The following DMD variants were observed in gnomAD, a reference collection of about 807,000 sequenced individuals.
DMD encodes the protein mutant dystrophin.
Under a neutral mutation model 330.1 loss-of-function variants are expected in DMD, and 63 were observed. The observed-to-expected ratio is 0.19, with a 90% CI of 0.16 to 0.24. DMD has a LOEUF of 0.24. Among genes scored for constraint, DMD ranks in the 10% least tolerant of loss-of-function variants. DMD has a pLI of 1.00. For synonymous variants in DMD, 1,223 were observed against 959.8 expected, an observed-to-expected ratio of 1.27 and a Z score of -5.07; for missense variants, 3,344 against 2,684.1, an observed-to-expected ratio of 1.25 and a Z score of -5.43.
chrX:32,264,553 G>A lies in DMD; in HGVS notation c.6290+22976C>T, dbSNP rs2097336603. Among the ~76,000 whole-genome samples, 3 of 111,914 alleles carry A rather than the reference G, an allele frequency of 2.7e-5. No individual in the cohort carries two copies. The South Asian group carries it at 1.1e-3, about 41-fold the overall frequency. Reference sequence around the variant, plus strand: ...AAACTCTGGAACTTCCTAGAGAATTGGAGGGGTCAGAAGACAGGAAGATGT... The same window carrying A: ...AAACTCTGGAACTTCCTAGAGAATTAGAGGGGTCAGAAGACAGGAAGATGT... On this transcript the variant is annotated intron_variant, in intron 43 of 78. Transcript: ENST00000357033.
chrX:33,179,805 A>G (rs2049887739), intron 1 of DMD, among the ~76,000 whole-genome samples: 1 of 110,635 alleles, frequency 9.0e-6, no homozygotes, highest in Non-Finnish European at 1.9e-5. Context: ...AACTATTACA[A>G]TCTTAGAAAT....
intron 44 of DMD, chrX:32,035,416 T>C (rs1351480460): frequency 7.1e-6 from 1 of 140,091 alleles, no homozygotes; most frequent in Non-Finnish European, 1.4e-5. Flanking sequence ...CTTTAGTTAT[T>C]TGGGAAAGAA....
At chrX:31,246,172 C>G (rs1394326365) in intron 63 of DMD, among the ~76,000 whole-genome samples, 1 of 112,487 alleles carries the variant, frequency 8.9e-6, no homozygotes, top group Non-Finnish European at 1.9e-5. Context: ...GAAGATCAAA[C>G]TAGCCACAAC....
At chrX:32,577,243 A>G (rs769286933) in intron 13 of DMD, among the ~76,000 whole-genome samples, 1 of 112,032 alleles carries the variant, frequency 8.9e-6, no homozygotes, top group South Asian at 3.8e-4. Context: ...TTCATCTGCA[A>G]TCCAAGGAGA....
chrX:31,627,914 C>G (rs766557265), intron 54 of DMD, 52 bp from the exon 55 acceptor site: 29 of 1,091,930 alleles, frequency 2.7e-5, no homozygotes, highest in Admixed American at 2.5e-4. Flanking sequence ...GAATGGTGCA[C>G]CTAGTGAACT....
chrX:31,458,926 C>A (rs1016922660), intron 59 of DMD, among the ~76,000 whole-genome samples: 3 of 111,105 alleles, frequency 2.7e-5, no homozygotes, highest in African/African-American at 9.8e-5. Context: ...ATATTTTATT[C>A]ACAGCATAAG....
At chrX:33,278,270 A>C (rs769187898) in intron 1 of DMD, among the ~76,000 whole-genome samples, 60 of 111,432 alleles carry the variant, frequency 5.4e-4, no homozygotes, top group Non-Finnish European at 1.0e-3. Context: ...GGTACAACTG[A>C]AGTCATCACC....
At chrX:31,843,947 C>A (rs1261084311) in intron 48 of DMD, among the ~76,000 whole-genome samples, 1 of 109,789 alleles carries the variant, frequency 9.1e-6, no homozygotes, top group Non-Finnish European at 1.9e-5. Context: ...CAACCTCCGA[C>A]TCCCTGGCTC....
Position 32,732,477 on chromosome X carries a change from G to A in DMD, c.650-33184C>T, listed in dbSNP as rs763108693. 3.6e-5 allele frequency among the ~76,000 whole-genome samples: 4 copies of A among 110,852 alleles called. No individual in the cohort carries two copies. The East Asian group carries it at 8.5e-4, about 23-fold the overall frequency. ...CATAATTGTCAGATTCACCAAAGTT[G>A]AAATGAAGGAAAAAGTGTTAAGGGC... On this transcript the variant is annotated intron_variant, in intron 7 of 78. Transcript: ENST00000357033.
intron 4 of DMD, among the ~76,000 whole-genome samples, chrX:32,827,514 A>C (rs2078810261): frequency 9.0e-6 from 1 of 111,158 alleles, no homozygotes; most frequent in African/African-American, 3.3e-5. Flanking sequence ...TTTAATGTAC[A>C]CATTATTTCA....
At chrX:32,023,724 G>A (rs926150093) in intron 44 of DMD, among the ~76,000 whole-genome samples, 5 of 111,621 alleles carry the variant, frequency 4.5e-5, no homozygotes, top group Non-Finnish European at 9.4e-5. Context: ...TAAAGAATGT[G>A]GCGCGTATAC....
chrX:32,375,611 G>C lies in DMD; in HGVS notation c.4845+4899C>G, dbSNP rs563327226. 2.3e-4 allele frequency among the ~76,000 whole-genome samples: 26 copies of C among 112,016 alleles called. No homozygotes were observed. The South Asian group carries it at 9.6e-3, about 41-fold the overall frequency. Reference sequence around the variant, plus strand: ...CATCTTAAGGAATGAAATATTACAAGTATCATTTAAGTGTCCTGTTCATAT... The same window carrying C: ...CATCTTAAGGAATGAAATATTACAACTATCATTTAAGTGTCCTGTTCATAT... On this transcript the variant is annotated intron_variant, in intron 34 of 78. Transcript: ENST00000357033.
rs1008308693 is a variant in DMD, at chrX:32,742,764, C to G, written c.650-43471G>C. Among the ~76,000 whole-genome samples the G allele has an allele frequency of 3.5e-4, 39 of 112,059 alleles. 1 individual carries two copies. The highest frequency in any genetic ancestry group is 5.3e-4 in the Non-Finnish European group (28 of 53,215). On this transcript the variant is annotated intron_variant, in intron 7 of 78. Transcript: ENST00000357033. ...AGAATCAAGGCTTTGGCCTGCTTCC[C>G]ATATGTGTGATATTTGACAAGTAAG... is the stretch of plus-strand genomic sequence containing the variant.
intron 1 of DMD, among the ~76,000 whole-genome samples, chrX:33,084,128 C>A (rs1025059427): frequency 4.5e-5 from 5 of 112,169 alleles, no homozygotes; most frequent in Non-Finnish European, 7.5e-5. Flanking sequence ...GGTTGGAATA[C>A]CCCACCAGTA....
intron 42 of DMD, among the ~76,000 whole-genome samples, chrX:32,294,849 G>A (rs910184150): frequency 4.5e-5 from 5 of 111,355 alleles, no homozygotes; most frequent in African/African-American, 1.6e-4. Context: ...TCAGAGATGA[G>A]ATCTCTGATA....
intron 1 of DMD, among the ~76,000 whole-genome samples, chrX:33,209,086 ATT>A (rs1203130346): frequency 7.1e-4 from 79 of 111,537 alleles, no homozygotes; most frequent in Middle Eastern, 4.7e-3. Flanking sequence ...TGAATTTGCA[ATT>A]CAGTACTGTC....
Position 32,244,295 on chromosome X carries a change from A to AT in DMD, c.6291-27233dup, listed in dbSNP as rs1227600596. ...TCCCTACAAAGGACATGAACTCATC[A>AT]TTTTTTCTGGCTGCATAGTATTCCA... On this transcript the variant is annotated intron_variant, in intron 43 of 78. Coordinates refer to ENST00000357033, the MANE Select transcript of DMD (RefSeq NM_004006.3). Among the ~76,000 whole-genome samples the AT allele has an allele frequency of 6.3e-4, 64 of 101,551 alleles. 1 individual carries two copies. Among genetic ancestry groups the AT allele is most frequent in the Non-Finnish European group, 1.1e-3 (57 of 50,182 alleles). The allele number at this position is 101,551 out of a possible 115,157, so 88.2% of individuals were successfully genotyped here.
At chrX:31,192,941 C>T (rs773069247) in intron 67 of DMD, among the ~76,000 whole-genome samples, 14 of 111,511 alleles carry the variant, frequency 1.3e-4, no homozygotes, top group South Asian at 3.8e-4. Flanking sequence ...AATTATATGC[C>T]GATAACATGG....
chrX:31,983,034 A>G (rs2095487063), intron 44 of DMD, among the ~76,000 whole-genome samples: 1 of 108,423 alleles, frequency 9.2e-6, no homozygotes, highest in Admixed American at 1.0e-4. Context: ...TCTAGGGAGA[A>G]ATGTTGTTAA....
Sources: gnomAD v4.1 joint callset for allele counts (sites outside exome capture counted in the v4.1 genomes callset) on GRCh38, gnomAD v4.1.1 for gene constraint, MANE v1.5 for transcripts, NCBI Gene and HGNC (gene_info 2026-07-23, HGNC 2026-07-21) for gene names.